CBFB: variants seen among roughly 807,000 people sequenced by gnomAD.
The protein encoded by CBFB is CBF-beta.
CBFB carries 9 observed loss-of-function variants against 30.4 expected under a neutral mutation model. That is an observed-to-expected ratio of 0.30 (90% CI 0.18 to 0.52). CBFB has a LOEUF of 0.52. Among genes scored for constraint, CBFB ranks in the 20% least tolerant of loss-of-function variants. CBFB has a pLI of 0.97. For missense variants in CBFB, 170 were observed against 244.0 expected (o/e 0.70, Z 2.02); for synonymous variants, 94 against 84.0 (o/e 1.12, Z -0.65).
At chr16:67,055,131 T>C (rs1262195826) in intron 3 of CBFB, among the ~76,000 whole-genome samples, 6 of 152,080 alleles carry the variant, frequency 3.9e-5, no homozygotes, top group Admixed American at 3.9e-4. Context: ...AGAATTTATC[T>C]TGGCTCAGCT....
intron 2 of CBFB, among the ~76,000 whole-genome samples, chr16:67,033,396 G>A (rs1460288097): frequency 6.6e-6 from 1 of 152,136 alleles, no homozygotes; most frequent in African/African-American, 2.4e-5. Context: ...CTGGAGTGCA[G>A]TGGTGCCATC....
At chr16:67,079,635 A>G (rs1482851837) in intron 4 of CBFB, among the ~76,000 whole-genome samples, 3 of 149,472 alleles carry the variant, frequency 2.0e-5, no homozygotes, top group Non-Finnish European at 4.4e-5. Context: ...TGGCTGCTGC[A>G]TCTCTGAGCA....
Position 67,097,431 on chromosome 16 carries a change from G to C in CBFB, c.496-1279G>C, listed in dbSNP as rs1962083114. 2.6e-5 allele frequency among the ~76,000 whole-genome samples: 4 copies of C among 151,848 alleles called. No homozygotes were observed. In the South Asian group the frequency reaches 8.3e-4, roughly 32 times the overall value. ...GTGGTGGCACATGCCTGTAATCCCAGCTACTGAGGAGGTTGAGGCAAGAGA... is the reference window on the plus strand; with the variant it reads ...GTGGTGGCACATGCCTGTAATCCCACCTACTGAGGAGGTTGAGGCAAGAGA... On this transcript the variant is annotated intron_variant, in intron 5 of 5. Transcript: ENST00000412916.
chr16:67,063,000 C>T (rs745819116), intron 3 of CBFB, among the ~76,000 whole-genome samples: 7 of 152,006 alleles, frequency 4.6e-5, no homozygotes, highest in African/African-American at 9.7e-5. Flanking sequence ...CATGCTACTC[C>T]GTCCACCTGT....
chr16:67,061,115 A>G (rs1293830017), intron 3 of CBFB, among the ~76,000 whole-genome samples: 1 of 152,254 alleles, frequency 6.6e-6, no homozygotes, highest in Non-Finnish European at 1.5e-5. Context: ...TAAATTGAAT[A>G]TAACATCACA....
intron 3 of CBFB, among the ~76,000 whole-genome samples, chr16:67,050,439 G>GT (rs1966719985): frequency 6.6e-6 from 1 of 151,428 alleles, no homozygotes; most frequent in Non-Finnish European, 1.5e-5. Flanking sequence ...ACATATATAC[G>GT]TATGATAAAG....
At chr16:67,098,121 TG>T in intron 5 of CBFB, among the ~76,000 whole-genome samples, 1 of 133,208 alleles carries the variant, frequency 7.5e-6, no homozygotes, top group African/African-American at 4.0e-5. Flanking sequence ...GTTTTTTGTT[TG>T]TTTGTTTGTT....
chr16:67,057,421 AT>A (rs879629870), intron 3 of CBFB, among the ~76,000 whole-genome samples: 1 of 151,720 alleles, frequency 6.6e-6, no homozygotes, highest in African/African-American at 2.4e-5. Context: ...TTGTAATAGA[AT>A]TTTTTTTTAC....
At chr16:67,066,923 A>C (rs939994698) in intron 4 of CBFB, 125 bp downstream of exon 4, 1 of 525,688 alleles carries the variant, frequency 1.9e-6, no homozygotes, top group Non-Finnish European at 3.5e-6. Flanking sequence ...AGCAATATTG[A>C]GGAATCCTGA....
intron 4 of CBFB, among the ~76,000 whole-genome samples, chr16:67,067,845 C>A (rs1230056050): frequency 2.6e-5 from 4 of 152,152 alleles, no homozygotes; most frequent in Non-Finnish European, 5.9e-5. Context: ...AATGGCAGAC[C>A]AGCCAGAAAT....
At chr16:67,037,822 C>T (rs1346712890) in intron 3 of CBFB, among the ~76,000 whole-genome samples, 1 of 151,900 alleles carries the variant, frequency 6.6e-6, no homozygotes, top group East Asian at 1.9e-4. Context: ...GTGTGCGCCA[C>T]CACGCCTGGC....
intron 3 of CBFB, among the ~76,000 whole-genome samples, chr16:67,060,442 A>G (rs1406746992): frequency 6.6e-6 from 1 of 152,094 alleles, no homozygotes. Context: ...CATGGTAGCA[A>G]TTACTCCTCA....
At chr16:67,096,003 C>G (rs1402632311) in intron 5 of CBFB, among the ~76,000 whole-genome samples, 2 of 151,376 alleles carry the variant, frequency 1.3e-5, no homozygotes, top group East Asian at 4.0e-4. Context: ...GACCTCATCT[C>G]TTTAAAACAA....
chr16:67,056,525 T>C (rs1256375381), intron 3 of CBFB, among the ~76,000 whole-genome samples: 2 of 152,168 alleles, frequency 1.3e-5, no homozygotes, highest in Non-Finnish European at 2.9e-5. Context: ...TGTGTGTGTA[T>C]GTGTGTAGGC....
intron 3 of CBFB, among the ~76,000 whole-genome samples, chr16:67,045,937 A>G (rs1226443111): frequency 6.6e-6 from 1 of 151,626 alleles, no homozygotes. Flanking sequence ...CTGGGATTAC[A>G]GGCACCCGCC....
At chr16:67,046,338 C>T (rs1225658462) in intron 3 of CBFB, among the ~76,000 whole-genome samples, 4 of 152,030 alleles carry the variant, frequency 2.6e-5, no homozygotes, top group Admixed American at 6.6e-5. Context: ...TGGACTCAAG[C>T]AATCCTCTCG....
At chr16:67,054,157 C>T (rs1053301852) in intron 3 of CBFB, among the ~76,000 whole-genome samples, 1 of 151,792 alleles carries the variant, frequency 6.6e-6, no homozygotes, top group African/African-American at 2.4e-5. Context: ...GTTTCTTTTT[C>T]AGTTTTTCTG....
chr16:67,044,732 GTGTT>G (rs1184439157), intron 3 of CBFB, among the ~76,000 whole-genome samples: 2 of 152,102 alleles, frequency 1.3e-5, no homozygotes, highest in South Asian at 2.1e-4. Flanking sequence ...AATACATATT[GTGTT>G]TGTTTATATA....
rs1339407613 is a variant in CBFB, at chr16:67,044,755, A to G, written c.282+8000A>G. On this transcript the variant is annotated intron_variant, in intron 3 of 5. Transcript: ENST00000412916. ...TTGTGTTTGTTTATATACCATCCAC[A>G]ATTTGGCAGAGTTTACAGGACTTCT... Among the ~76,000 whole-genome samples the G allele has an allele frequency of 2.6e-5, 4 of 152,256 alleles. No individual in the cohort carries two copies. The South Asian group carries it at 8.3e-4, about 32-fold the overall frequency.
Sources: allele counts gnomAD v4.1 joint callset (sites outside exome capture counted in the v4.1 genomes callset), GRCh38; gene constraint gnomAD v4.1.1; transcripts MANE v1.5; gene names NCBI Gene and HGNC (gene_info 2026-07-23, HGNC 2026-07-21).